POU2F1: variants seen among roughly 807,000 people sequenced by gnomAD.
POU2F1 encodes POU domain, class 2, transcription factor 1.
A neutral mutation model predicts 84.9 loss-of-function variants in POU2F1; 16 were observed. That is an observed-to-expected ratio of 0.19 (90% CI 0.13 to 0.29). POU2F1 has a LOEUF of 0.29. Ranked by LOEUF, POU2F1 falls within the 10% of genes least tolerant of loss-of-function variation. The pLI is 1.00. For synonymous variants in POU2F1, 368 were observed against 368.3 expected, an observed-to-expected ratio of 1.00 and a Z score of 0.01; for missense variants, 738 against 942.6, an observed-to-expected ratio of 0.78 and a Z score of 2.84.
At chr1:167,274,215 T>G (rs1302520379) in intron 1 of POU2F1, among the ~76,000 whole-genome samples, 1 of 152,206 alleles carries the variant, frequency 6.6e-6, no homozygotes, top group Non-Finnish European at 1.5e-5. Flanking sequence ...CTCCTTTCCC[T>G]TAATTATTAA....
intron 1 of POU2F1, among the ~76,000 whole-genome samples, chr1:167,273,125 T>C (rs997358780): frequency 6.6e-6 from 1 of 152,172 alleles, no homozygotes; most frequent in Non-Finnish European, 1.5e-5. Flanking sequence ...AGCTCCAAAA[T>C]AATCTTTGAC....
intron 1 of POU2F1, chr1:167,329,390 G>A: frequency 2.1e-6 from 3 of 1,436,206 alleles, no homozygotes; most frequent in African/African-American, 1.4e-5. Context: ...ATGCTTAATC[G>A]CATATGCAGC....
chr1:167,413,958 G>A (rs1266437337), intron 15 of POU2F1, among the ~76,000 whole-genome samples: 1 of 150,014 alleles, frequency 6.7e-6, no homozygotes, highest in Non-Finnish European at 1.5e-5. Context: ...TTGCACCCCA[G>A]CGTGGGTAAC....
chr1:167,325,533 C>T (rs1009902866), intron 1 of POU2F1, among the ~76,000 whole-genome samples: 4 of 152,028 alleles, frequency 2.6e-5, no homozygotes, highest in Non-Finnish European at 5.9e-5. Context: ...TGTCATTGCC[C>T]TCAATTTCAT....
chr1:167,344,102 A>C (rs1658039955), intron 2 of POU2F1, among the ~76,000 whole-genome samples: 1 of 152,176 alleles, frequency 6.6e-6, no homozygotes, highest in Non-Finnish European at 1.5e-5. Context: ...TAAATTAAAA[A>C]TTCAATTCCT....
intron 13 of POU2F1, among the ~76,000 whole-genome samples, chr1:167,402,575 A>T (rs1390478169): frequency 1.3e-5 from 2 of 152,194 alleles, no homozygotes; most frequent in Non-Finnish European, 2.9e-5. Flanking sequence ...TTTTCCTCAC[A>T]CAAAATAGAC....
At position 167,419,913 on chromosome 1, in the gene POU2F1, A is replaced by G. The variant is rs536351801; in HGVS notation, c.*4103A>G. ...AAGATTAAAGATTCTTAGTGAGATC[A>G]TCTTGCCAATTTGTTGTACATCTCT... On this transcript the variant is annotated 3_prime_UTR_variant, in exon 16 of 16. Transcript: ENST00000367866. 2 of 152,348 alleles carry G rather than the reference A, an allele frequency of 1.3e-5. No homozygotes were observed. Among genetic ancestry groups the G allele is most frequent in the African/African-American group, 4.8e-5 (2 of 41,580 alleles). The allele number at this position is 152,348 out of a possible 1,614,324, so 9.4% of individuals were successfully genotyped here.
At chr1:167,316,626 T>G (rs1655921770) in intron 1 of POU2F1, among the ~76,000 whole-genome samples, 1 of 152,232 alleles carries the variant, frequency 6.6e-6, no homozygotes, top group Non-Finnish European at 1.5e-5. Context: ...GAGGAATGTA[T>G]CTTTAGATTT....
chr1:167,220,999 A>T (rs1571101936), intron 1 of POU2F1, 41 bp downstream of exon 1: 5 of 1,463,362 alleles, frequency 3.4e-6, no homozygotes, highest in Non-Finnish European at 4.6e-6. Context: ...TTCATACTCA[A>T]CCCCGGCTCC....
chr1:167,378,782 G>A (rs935846304), intron 7 of POU2F1, among the ~76,000 whole-genome samples: 2 of 151,618 alleles, frequency 1.3e-5, no homozygotes, highest in Non-Finnish European at 2.9e-5. Flanking sequence ...TGCTCTATTT[G>A]TTTGTTTGTT....
At chr1:167,323,814 T>C (rs1656499922) in intron 1 of POU2F1, among the ~76,000 whole-genome samples, 1 of 152,230 alleles carries the variant, frequency 6.6e-6, no homozygotes, top group Non-Finnish European at 1.5e-5. Context: ...TGCCTCAGCC[T>C]ACTGAGTAGT....
intron 2 of POU2F1, among the ~76,000 whole-genome samples, chr1:167,334,972 G>T (rs1657341286): frequency 1.3e-5 from 2 of 151,948 alleles, no homozygotes; most frequent in African/African-American, 2.4e-5. Context: ...TAATAATTTT[G>T]ATTTGTGACA....
chr1:167,245,762 G>A (rs1008916415), intron 1 of POU2F1, among the ~76,000 whole-genome samples: 1 of 152,040 alleles, frequency 6.6e-6, no homozygotes, highest in African/African-American at 2.4e-5. Flanking sequence ...TCACTGTATT[G>A]CCCAGGCTAG....
intron 8 of POU2F1, among the ~76,000 whole-genome samples, chr1:167,384,198 C>A (rs1006407064): frequency 6.6e-5 from 10 of 152,092 alleles, no homozygotes; most frequent in Non-Finnish European, 1.3e-4. Context: ...GTAATGAGTT[C>A]TAGCTATGTG....
Position 167,322,805 on chromosome 1 carries a change from C to T in POU2F1, c.62-9665C>T, listed in dbSNP as rs544627836. Among the ~76,000 whole-genome samples, 46 of 152,300 alleles carry T rather than the reference C, an allele frequency of 3.0e-4. 1 individual carries two copies. Among genetic ancestry groups the T allele is most frequent in the Non-Finnish European group, 4.0e-4 (27 of 68,018 alleles). ...TTGTTTTTATAGATTTAGATTAAAACGGGAAACAAAGAGATGGGCTCTGGC... is the reference window on the plus strand; with the variant it reads ...TTGTTTTTATAGATTTAGATTAAAATGGGAAACAAAGAGATGGGCTCTGGC... On this transcript the variant is annotated intron_variant, in intron 1 of 15. Transcript: ENST00000367866.
At chr1:167,364,288 T>G (rs1037067648) in intron 2 of POU2F1, among the ~76,000 whole-genome samples, 2 of 151,966 alleles carry the variant, frequency 1.3e-5, no homozygotes, top group Non-Finnish European at 2.9e-5. Context: ...CCCAGCACTT[T>G]GGGAGGCCGA....
At chr1:167,411,191 C>T (rs1649940760) in intron 13 of POU2F1, among the ~76,000 whole-genome samples, 1 of 152,094 alleles carries the variant, frequency 6.6e-6, no homozygotes, top group Admixed American at 6.5e-5. Context: ...AGGCGCGTGC[C>T]ACCACGCCCA....
chr1:167,221,672 G>A (rs1258506880), intron 1 of POU2F1, among the ~76,000 whole-genome samples: 2 of 151,014 alleles, frequency 1.3e-5, no homozygotes, highest in Non-Finnish European at 3.0e-5. Flanking sequence ...ACGGCCCCAG[G>A]CACTTCGGCC....
intron 2 of POU2F1, among the ~76,000 whole-genome samples, chr1:167,351,285 C>T (rs1270091001): frequency 1.3e-5 from 2 of 151,980 alleles, no homozygotes; most frequent in Non-Finnish European, 2.9e-5. Flanking sequence ...ACCAGGGAGA[C>T]GGAAGTTGCA....
Sources: gnomAD v4.1 joint callset for allele counts (sites outside exome capture counted in the v4.1 genomes callset) on GRCh38, gnomAD v4.1.1 for gene constraint, MANE v1.5 for transcripts, NCBI Gene and HGNC (gene_info 2026-07-23, HGNC 2026-07-21) for gene names.